MAD1L1: variants seen among roughly 807,000 people sequenced by gnomAD.
The protein encoded by MAD1L1 is mitotic arrest deficient 1 like 1.
In MAD1L1, 95 loss-of-function variants were observed where a neutral mutation model predicts 96.9. The observed-to-expected ratio is 0.98, with a 90% CI of 0.83 to 1.16. The LOEUF (loss-of-function observed/expected upper bound fraction) is 1.16. Among genes scored for constraint, MAD1L1 ranks in the 50% most tolerant of loss-of-function variants. MAD1L1 has a pLI of 0.00. For synonymous variants in MAD1L1, 473 were observed against 396.6 expected (o/e 1.19, Z -2.29); for missense variants, 1,007 against 954.4 (o/e 1.06, Z -0.73).
At chr7:1,893,192 C>T (rs1458261810) in intron 18 of MAD1L1, among the ~76,000 whole-genome samples, 1 of 152,320 alleles carries the variant, frequency 6.6e-6, no homozygotes, top group East Asian at 1.9e-4. Context: ...TGCCTTTCCC[C>T]CAAACGGCAG....
At chr7:1,884,525 T>C (rs1197272496) in intron 18 of MAD1L1, among the ~76,000 whole-genome samples, 1 of 152,170 alleles carries the variant, frequency 6.6e-6, no homozygotes, top group East Asian at 1.9e-4. Flanking sequence ...CCTGCTGACC[T>C]TCCCTCAGCC....
At chr7:1,849,064 A>AAATGCACATGCACGGACACATG (rs71023365) in intron 18 of MAD1L1, 1 of 150,786 alleles carries the variant, frequency 6.6e-6, no homozygotes, top group Non-Finnish European at 1.5e-5. Flanking sequence ...ACACACACAC[A>AAATGCACATGCACGGACACATG]CACACACACA....
intron 18 of MAD1L1, among the ~76,000 whole-genome samples, chr7:1,858,831 G>A (rs1356557402): frequency 6.6e-6 from 1 of 152,250 alleles, no homozygotes; most frequent in African/African-American, 2.4e-5. Flanking sequence ...AGCACGGGCA[G>A]TCAGAGCCTC....
chr7:1,840,415 C>T (rs1237152437), intron 18 of MAD1L1, among the ~76,000 whole-genome samples: 1 of 152,196 alleles, frequency 6.6e-6, no homozygotes, highest in Non-Finnish European at 1.5e-5. Flanking sequence ...TCTGTCCTAG[C>T]AGCAGCAGAG....
intron 18 of MAD1L1, chr7:1,846,961 C>T (rs772896438): frequency 5.0e-5 from 16 of 322,958 alleles, no homozygotes; most frequent in Non-Finnish European, 4.8e-5. Flanking sequence ...TGCGGTGGGA[C>T]GGTCGCCTCC....
At chr7:2,052,893 G>T (rs1323041292) in intron 12 of MAD1L1, among the ~76,000 whole-genome samples, 1 of 152,038 alleles carries the variant, frequency 6.6e-6, no homozygotes, top group East Asian at 1.9e-4. Context: ...TGGGGAGATA[G>T]GAAGCCATGT....
At chr7:2,016,690 T>A (rs76132845) in intron 12 of MAD1L1, among the ~76,000 whole-genome samples, 1 of 302 alleles carries the variant, frequency 3.3e-3, no homozygotes, top group Non-Finnish European at 0.013. Context: ...TCCTGCCGTC[T>A]GTCTCTTGAG....
intron 14 of MAD1L1, among the ~76,000 whole-genome samples, chr7:1,993,489 ACT>A (rs1341370108): frequency 6.6e-6 from 1 of 152,140 alleles, no homozygotes; most frequent in African/African-American, 2.4e-5. Flanking sequence ...TATCAGACAC[ACT>A]CTGAGGCTCT....
At chr7:1,861,888 G>T (rs574089762) in intron 18 of MAD1L1, among the ~76,000 whole-genome samples, 1,952 of 147,948 alleles carry the variant, frequency 0.013, 49 homozygotes, top group African/African-American at 0.048. Flanking sequence ...CCTGGTTGGA[G>T]GGACACTGCT....
At chr7:1,986,093 C>T (rs910764495) in intron 14 of MAD1L1, among the ~76,000 whole-genome samples, 9 of 152,180 alleles carry the variant, frequency 5.9e-5, no homozygotes, top group African/African-American at 2.2e-4. Flanking sequence ...AATCCGGCTC[C>T]GTGCACAGGT....
At chr7:1,841,734 G>A (rs1436529464) in intron 18 of MAD1L1, among the ~76,000 whole-genome samples, 2 of 152,234 alleles carry the variant, frequency 1.3e-5, no homozygotes, top group African/African-American at 4.8e-5. Context: ...AGATGGTCTC[G>A]GCCGTCACTC....
chr7:2,128,037 A>G (rs940421535), intron 11 of MAD1L1, among the ~76,000 whole-genome samples: 1 of 152,168 alleles, frequency 6.6e-6, no homozygotes, highest in African/African-American at 2.4e-5. Context: ...GACATTCGAT[A>G]AATAAAACGC....
At chr7:1,891,396 C>T (rs569910673) in intron 18 of MAD1L1, among the ~76,000 whole-genome samples, 2 of 152,178 alleles carry the variant, frequency 1.3e-5, no homozygotes, top group African/African-American at 4.8e-5. Flanking sequence ...TGTGGTGGCG[C>T]ACCCCTGTAA....
intron 10 of MAD1L1, among the ~76,000 whole-genome samples, chr7:2,163,653 G>C (rs901439378): frequency 2.0e-5 from 3 of 152,140 alleles, no homozygotes; most frequent in African/African-American, 7.2e-5. Context: ...GATTACAGGC[G>C]TGAGCCACAG....
At chr7:1,858,819 C>T (rs550079411) in intron 18 of MAD1L1, among the ~76,000 whole-genome samples, 2 of 152,342 alleles carry the variant, frequency 1.3e-5, no homozygotes, top group East Asian at 3.9e-4. Context: ...GAATGCTTCA[C>T]GAGCACGGGC....
intron 11 of MAD1L1, among the ~76,000 whole-genome samples, chr7:2,111,386 C>T (rs1787372306): frequency 6.6e-6 from 1 of 152,214 alleles, no homozygotes; most frequent in African/African-American, 2.4e-5. Flanking sequence ...GCTGCTCAGC[C>T]CTTGCTCTCT....
chr7:2,225,665 T>C, intron 3 of MAD1L1, 115 bp from the exon 4 acceptor site: 1 of 1,179,380 alleles, frequency 8.5e-7, no homozygotes, highest in Non-Finnish European at 1.2e-6. Context: ...GGTCCCGTGC[T>C]AAGTCTTGAT....
chr7:1,970,751 G>C (rs1780367152), intron 15 of MAD1L1, among the ~76,000 whole-genome samples: 1 of 152,190 alleles, frequency 6.6e-6, no homozygotes, highest in Non-Finnish European at 1.5e-5. Context: ...GGCATCTGGT[G>C]GGGGAATGGT....
chr7:2,007,551 G>A (rs1203303088), intron 13 of MAD1L1, among the ~76,000 whole-genome samples: 2 of 152,210 alleles, frequency 1.3e-5, no homozygotes, highest in Admixed American at 6.5e-5. Flanking sequence ...GTGCATGCCT[G>A]TAGTCCCAGC....
Sources: allele counts gnomAD v4.1 joint callset (sites outside exome capture counted in the v4.1 genomes callset), GRCh38; gene constraint gnomAD v4.1.1; transcripts MANE v1.5; gene names NCBI Gene and HGNC (gene_info 2026-07-23, HGNC 2026-07-21).